The following AGAP1 variants were observed in gnomAD, a reference collection of about 807,000 sequenced individuals.
The protein encoded by AGAP1 is arf-GAP with GTPase, ANK repeat and PH domain-containing protein 1.
Under a neutral mutation model 105.3 loss-of-function variants are expected in AGAP1, and 29 were observed. The observed-to-expected ratio is 0.28, with a 90% CI of 0.21 to 0.38. The LOEUF (loss-of-function observed/expected upper bound fraction) is 0.38. AGAP1 is among the 10% of genes least tolerant of loss of function. The probability of loss-of-function intolerance (pLI) is 1.00; values close to 1 mark genes in which losing one functional copy is unlikely to be tolerated. For synonymous variants in AGAP1, 509 were observed against 485.9 expected, an observed-to-expected ratio of 1.05 and a Z score of -0.63; for missense variants, 998 against 1,165.1, an observed-to-expected ratio of 0.86 and a Z score of 2.09.
chr2:235,720,172 C>T lies in AGAP1; in HGVS notation c.310+2528C>T, dbSNP rs191615015. ...GAGAAGCCGTGTTTCTTTCATACCA[C>T]GGTCTTGCCATCCTGAAATTCCCTC... On this transcript the variant is annotated intron_variant, in intron 3 of 17. Coordinates refer to ENST00000304032, the MANE Select transcript of AGAP1 (RefSeq NM_001037131.3). This position sits in a 1 kb window ranked among gnomAD's most constrained non-coding sequence, Gnocchi z 5.0. Among the ~76,000 whole-genome samples the T allele has an allele frequency of 3.9e-5, 6 of 152,308 alleles. No homozygotes were observed. Among genetic ancestry groups the T allele is most frequent in the African/African-American group, 9.6e-5 (4 of 41,558 alleles).
intron 13 of AGAP1, among the ~76,000 whole-genome samples, chr2:236,032,040 A>G (rs1272333989): frequency 6.6e-6 from 1 of 152,220 alleles, no homozygotes; most frequent in Admixed American, 6.5e-5. Context: ...TTGGGGTCCA[A>G]GAGAAGGAAT....
In AGAP1 at chr2:235,867,961, GA is replaced by G. The variant is rs556624132; in HGVS notation, c.1051-15379del. 5.9e-5 allele frequency among the ~76,000 whole-genome samples: 9 copies of G among 152,040 alleles called. No individual in the cohort carries two copies. The highest frequency in any genetic ancestry group is 1.7e-4 in the African/African-American group (7 of 41,392). ...CAGTTTTAATACATGTTTATAGGGGGAAAAATCTTAATTAGAATAATTAGAA... is the reference window on the plus strand; with the variant it reads ...CAGTTTTAATACATGTTTATAGGGGGAAAATCTTAATTAGAATAATTAGAA... On this transcript the variant is annotated intron_variant, in intron 9 of 17. Coordinates refer to ENST00000304032, the MANE Select transcript of AGAP1 (RefSeq NM_001037131.3). This position sits in a 1 kb window ranked among gnomAD's most constrained non-coding sequence, Gnocchi z 5.4.
In AGAP1 at chr2:235,889,275, C is replaced by T. The variant is rs944674647; in HGVS notation, c.1155+5826C>T. Among the ~76,000 whole-genome samples, 1 of 152,190 alleles carries T rather than the reference C, an allele frequency of 6.6e-6. No homozygotes were observed. The highest frequency in any genetic ancestry group is 1.5e-5 in the Non-Finnish European group (1 of 68,054). ...GTGGCTTCAGAACAAAGCAGCCAGT[C>T]ATGAAACTGGGGAAACCTGACATTG... On this transcript the variant is annotated intron_variant, in intron 10 of 17. Transcript: ENST00000304032. This position sits in a 1 kb window ranked among gnomAD's most constrained non-coding sequence, Gnocchi z 4.6.
In AGAP1 at chr2:236,036,034, C is replaced by A. The variant is rs549057799; in HGVS notation, c.1646-527C>A. On this transcript the variant is annotated intron_variant, in intron 13 of 17. Coordinates refer to ENST00000304032, the MANE Select transcript of AGAP1 (RefSeq NM_001037131.3). The surrounding 1 kb of genome is among the most constrained non-coding windows in gnomAD (Gnocchi z 5.7). ...GATCCTCCTAAGGCACGCGGGATCC[C>A]ATGCACTCTCCCTGTCTGAAAACGT... 6.6e-6 allele frequency among the ~76,000 whole-genome samples: 1 copy of A among 152,050 alleles called. No homozygotes were observed. Among genetic ancestry groups the A allele is most frequent in the African/African-American group, 2.4e-5 (1 of 41,386 alleles).
At chr2:235,838,402 G>A (rs1222990217) in intron 9 of AGAP1, among the ~76,000 whole-genome samples, 1 of 152,184 alleles carries the variant, frequency 6.6e-6, no homozygotes, top group African/African-American at 2.4e-5. Flanking sequence ...TCATATGGTA[G>A]GAGGAAGAAG....
chr2:236,013,897 T>C (rs6761121), intron 13 of AGAP1, among the ~76,000 whole-genome samples: 99,729 of 151,950 alleles, frequency 0.66, 34,136 homozygotes, highest in African/African-American at 0.85. Context: ...GCGGAGAGAA[T>C]GCCTCAAGTC....
At chr2:235,581,765 A>G (rs1381485132) in intron 1 of AGAP1, among the ~76,000 whole-genome samples, 12 of 152,172 alleles carry the variant, frequency 7.9e-5, no homozygotes, top group African/African-American at 2.9e-4. Context: ...AGATCGTGCT[A>G]CTGCACTCCA....
In AGAP1 at chr2:235,553,910, C is replaced by T. The variant is rs1463412609; in HGVS notation, c.163+59061C>T. Among the ~76,000 whole-genome samples the T allele has an allele frequency of 3.3e-5, 5 of 152,238 alleles. No homozygotes were observed. The highest frequency in any genetic ancestry group is 5.9e-5 in the Non-Finnish European group (4 of 68,040). On this transcript the variant is annotated intron_variant, in intron 1 of 17. Transcript: ENST00000304032. The surrounding 1 kb of genome is among the most constrained non-coding windows in gnomAD (Gnocchi z 4.5). ...AGCACGGTTGCCTCCGCCTCCCACC[C>T]CACCCCGTGGTGCGGCGTGTGCCAA... is the stretch of plus-strand genomic sequence containing the variant.
At chr2:235,598,056 C>G (rs1186009130) in intron 1 of AGAP1, among the ~76,000 whole-genome samples, 33 of 121,012 alleles carry the variant, frequency 2.7e-4, no homozygotes, top group Non-Finnish European at 5.2e-4. Context: ...TCCCGTGTTT[C>G]CTTTGGGTGG....
intron 10 of AGAP1, among the ~76,000 whole-genome samples, chr2:235,894,590 TAC>T (rs921348256): frequency 2.2e-4 from 33 of 151,226 alleles, no homozygotes; most frequent in African/African-American, 7.3e-4. Flanking sequence ...ACATACATCA[TAC>T]ACACACACAT....
intron 1 of AGAP1, among the ~76,000 whole-genome samples, chr2:235,497,717 C>T (rs1941380202): frequency 1.3e-5 from 2 of 152,338 alleles, no homozygotes; most frequent in Admixed American, 6.5e-5. Flanking sequence ...GCCTCAGCCT[C>T]CCGAGTAGCT....
rs113652855 is a variant in AGAP1, at chr2:236,073,476, T to C, written c.2114+24195T>C. ...ATTTGCCCTATCAGCTTGCAAAACA[T>C]GCTGCAAAACAGCTTGCAAAACAGC... On this transcript the variant is annotated intron_variant, in intron 16 of 17. Coordinates refer to ENST00000304032, the MANE Select transcript of AGAP1 (RefSeq NM_001037131.3). The surrounding 1 kb of genome is among the most constrained non-coding windows in gnomAD (Gnocchi z 5.4). 3.9e-5 allele frequency among the ~76,000 whole-genome samples: 6 copies of C among 152,288 alleles called. No homozygotes were observed. Among genetic ancestry groups the C allele is most frequent in the African/African-American group, 1.4e-4 (6 of 41,556 alleles).
rs960665085 is a variant in AGAP1, at chr2:235,780,714, G to C, written c.674-17045G>C. Among the ~76,000 whole-genome samples, 48 of 152,232 alleles carry C rather than the reference G, an allele frequency of 3.2e-4. 1 individual carries two copies. The highest frequency in any genetic ancestry group is 2.2e-3 in the Admixed American group (33 of 15,284). On this transcript the variant is annotated intron_variant, in intron 6 of 17. Coordinates refer to ENST00000304032, the MANE Select transcript of AGAP1 (RefSeq NM_001037131.3). Reference sequence around the variant, plus strand: ...GATCACAGCTGTGGGTTTAAGTTGGGGGAAAAATTACTTCAAGTAAAGGAA... The same window carrying C: ...GATCACAGCTGTGGGTTTAAGTTGGCGGAAAAATTACTTCAAGTAAAGGAA...
chr2:235,987,133 TTATTTA>T (rs1378504458), intron 13 of AGAP1, among the ~76,000 whole-genome samples: 3 of 151,188 alleles, frequency 2.0e-5, no homozygotes, highest in African/African-American at 7.3e-5. Context: ...ATTTATTTAT[TTATTTA>T]TTGGTTGGTA....
At chr2:235,922,375 CT>C (rs751790674) in intron 11 of AGAP1, among the ~76,000 whole-genome samples, 1 of 152,212 alleles carries the variant, frequency 6.6e-6, no homozygotes, top group African/African-American at 2.4e-5. Context: ...TCCCCGCCCT[CT>C]TTCTATGTAC....
At chr2:235,496,292 T>A (rs539871100) in intron 1 of AGAP1, among the ~76,000 whole-genome samples, 1 of 152,278 alleles carries the variant, frequency 6.6e-6, no homozygotes, top group African/African-American at 2.4e-5. Flanking sequence ...TGTGTATCTG[T>A]CTCCCATGAG....
Position 236,040,126 on chromosome 2 carries a change from T to C in AGAP1, c.1801-625T>C, listed in dbSNP as rs1445888806. On this transcript the variant is annotated intron_variant, in intron 14 of 17. Transcript: ENST00000304032. This position sits in a 1 kb window ranked among gnomAD's most constrained non-coding sequence, Gnocchi z 5.6. ...ACACTGGCTCAAAAAATAATAATAATAAATAAATAAATAAAAATAAAGCAA... is the reference window on the plus strand; with the variant it reads ...ACACTGGCTCAAAAAATAATAATAACAAATAAATAAATAAAAATAAAGCAA... 6.6e-6 allele frequency among the ~76,000 whole-genome samples: 1 copy of C among 151,874 alleles called. No homozygotes were observed. The highest frequency in any genetic ancestry group is 1.9e-4 in the East Asian group (1 of 5,176).
chr2:235,699,240 G>A (rs1370202121), intron 1 of AGAP1, among the ~76,000 whole-genome samples: 1 of 152,174 alleles, frequency 6.6e-6, no homozygotes, highest in Non-Finnish European at 1.5e-5. Flanking sequence ...GCTGGGTCAG[G>A]GGGATGGGGG....
At chr2:235,651,927 TGAGAAG>T (rs1947608218) in intron 1 of AGAP1, among the ~76,000 whole-genome samples, 2 of 152,156 alleles carry the variant, frequency 1.3e-5, no homozygotes, top group African/African-American at 4.8e-5. Flanking sequence ...CTTGTCTTGA[TGAGAAG>T]GAGAAGGAGC....
Sources: allele counts gnomAD v4.1 joint callset (sites outside exome capture counted in the v4.1 genomes callset), GRCh38; gene constraint gnomAD v4.1.1; non-coding constraint Gnocchi (gnomAD v3.1); transcripts MANE v1.5; gene names NCBI Gene and HGNC (gene_info 2026-07-23, HGNC 2026-07-21).